The following TXLNB variants were observed in gnomAD, a reference collection of about 807,000 sequenced individuals.
The protein encoded by TXLNB is beta-taxilin.
Under a neutral mutation model 57.4 loss-of-function variants are expected in TXLNB, and 37 were observed. The observed-to-expected ratio is 0.64, with a 90% CI of 0.50 to 0.85. The LOEUF (loss-of-function observed/expected upper bound fraction) is 0.85. Ranked by LOEUF, TXLNB falls within the 40% of genes least tolerant of loss-of-function variation. The pLI is 0.00. For synonymous variants in TXLNB, 302 were observed against 309.6 expected, an observed-to-expected ratio of 0.98 and a Z score of 0.26; for missense variants, 848 against 825.6, an observed-to-expected ratio of 1.03 and a Z score of -0.33.
At chr6:139,233,559 GT>G in the TXLNB span, among the ~76,000 whole-genome samples, 2 of 151,870 alleles carry the variant, frequency 1.3e-5, no homozygotes, top group African/African-American at 4.8e-5. Context: ...AGATCTGATG[GT>G]TTTTTAAGTG....
chr6:139,318,065 C>T, the TXLNB span, among the ~76,000 whole-genome samples: 22 of 151,754 alleles, frequency 1.4e-4, no homozygotes, highest in Middle Eastern at 3.4e-3. Flanking sequence ...GTCAGGAGAT[C>T]GAGACCATCC....
At chr6:139,178,498 C>CTTTT in the TXLNB span, 4 of 137,074 alleles carry the variant, frequency 2.9e-5, no homozygotes, top group East Asian at 9.2e-4. Context: ...TTGGTTTATA[C>CTTTT]TTTTTTTTTT....
intron 7 of TXLNB, among the ~76,000 whole-genome samples, chr6:139,249,589 G>A (rs1315680784): frequency 6.6e-6 from 1 of 152,178 alleles, no homozygotes; most frequent in African/African-American, 2.4e-5. Context: ...AATGAAAGCT[G>A]GCAGATTGGA....
the TXLNB span, among the ~76,000 whole-genome samples, chr6:139,176,675 CTTATTG>C: frequency 3.9e-5 from 6 of 152,048 alleles, no homozygotes. This position sits in a 1 kb window ranked among gnomAD's most constrained non-coding sequence, Gnocchi z 4.5. Flanking sequence ...GGAGGGGTTT[CTTATTG>C]TTAGGGAACT....
At chr6:139,231,525 C>G in the TXLNB span, among the ~76,000 whole-genome samples, 72 of 152,302 alleles carry the variant, frequency 4.7e-4, no homozygotes, top group Middle Eastern at 3.4e-3. Context: ...AATCCTTCAT[C>G]TTTCCCTATT....
chr6:139,169,059 C>T, the TXLNB span, among the ~76,000 whole-genome samples: 12 of 152,166 alleles, frequency 7.9e-5, no homozygotes, highest in Admixed American at 7.9e-4. Flanking sequence ...ACAGTTTCCT[C>T]TATTTGTCGT....
intron 7 of TXLNB, among the ~76,000 whole-genome samples, chr6:139,251,298 T>G (rs1776199419): frequency 6.6e-6 from 1 of 152,244 alleles, no homozygotes; most frequent in Non-Finnish European, 1.5e-5. Context: ...TTTTCCATCT[T>G]GCAAAATGGA....
At chr6:139,198,886 C>T in the TXLNB span, among the ~76,000 whole-genome samples, 1 of 152,140 alleles carries the variant, frequency 6.6e-6, no homozygotes, top group African/African-American at 2.4e-5. Context: ...GTTTCCTGAA[C>T]CCTGTCCATA....
the TXLNB span, chr6:139,176,916 G>A: frequency 1.2e-6 from 1 of 859,458 alleles, no homozygotes; most frequent in Non-Finnish European, 2.0e-6. The surrounding 1 kb of genome is among the most constrained non-coding windows in gnomAD (Gnocchi z 4.5). Flanking sequence ...GGGGTGTTGT[G>A]GCTGATGGTG....
intron 4 of TXLNB, among the ~76,000 whole-genome samples, chr6:139,268,063 T>A (rs565847691): frequency 1.3e-3 from 193 of 150,812 alleles, no homozygotes; most frequent in Non-Finnish European, 2.1e-3. Context: ...AGGCAGAGAA[T>A]TGCTTGAACC....
intron 5 of TXLNB, among the ~76,000 whole-genome samples, chr6:139,261,093 C>T (rs1302430192): frequency 6.6e-6 from 1 of 152,160 alleles, no homozygotes; most frequent in Non-Finnish European, 1.5e-5. Flanking sequence ...TCAAGAGAAA[C>T]TTCCAACTCT....
the TXLNB span, among the ~76,000 whole-genome samples, chr6:139,307,194 T>G: frequency 1.3e-5 from 2 of 152,030 alleles, no homozygotes; most frequent in African/African-American, 2.4e-5. Context: ...TGATTGGGGT[T>G]TTTTGTTTGT....
At chr6:139,318,257 G>A in the TXLNB span, among the ~76,000 whole-genome samples, 458 of 128,368 alleles carry the variant, frequency 3.6e-3, 1 homozygote, top group Non-Finnish European at 5.5e-3. Flanking sequence ...GTGACAGAGT[G>A]AGACTCTGTC....
the TXLNB span, among the ~76,000 whole-genome samples, chr6:139,167,532 C>T: frequency 3.9e-5 from 6 of 152,184 alleles, no homozygotes; most frequent in Admixed American, 2.0e-4. Flanking sequence ...GTTGTCCTAG[C>T]GGATAATTTT....
chr6:139,184,034 G>T, the TXLNB span, among the ~76,000 whole-genome samples: 1 of 152,152 alleles, frequency 6.6e-6, no homozygotes. Context: ...TGCTTTCAGA[G>T]AGCTGCACAT....
Position 139,250,177 on chromosome 6 carries a change from C to CTTT in TXLNB, c.1078-2271_1078-2269dup, listed in dbSNP as rs529236500. ...CTACAGGCACATGCCCCATGTCTGG[C>CTTT]TTTTTTTTTTTTTTTTTTTTAACAC... On this transcript the variant is annotated intron_variant, in intron 7 of 9. Coordinates refer to ENST00000358430, the MANE Select transcript of TXLNB (RefSeq NM_153235.4). Among the ~76,000 whole-genome samples the CTTT allele has an allele frequency of 3.4e-3, 428 of 124,386 alleles. 3 individuals carry two copies. Among genetic ancestry groups the CTTT allele is most frequent in the African/African-American group, 7.2e-3 (237 of 32,894 alleles). 81.6% of individuals were successfully genotyped at this position (124,386 alleles called of 152,430 possible). A position where few individuals can be genotyped will look rare whatever the true frequency, so the allele number is the denominator to read the frequency against.
the TXLNB span, among the ~76,000 whole-genome samples, chr6:139,193,241 C>CTTTTTTTTTTTTTTT: frequency 1.3e-4 from 13 of 101,230 alleles, no homozygotes; most frequent in Non-Finnish European, 2.0e-4. Context: ...CTTTGACCCT[C>CTTTTTTTTTTTTTTT]TTTTTTTTTT....
chr6:139,276,765 C>A, intron 3 of TXLNB, 65 bp downstream of exon 3: 1 of 1,248,150 alleles, frequency 8.0e-7, no homozygotes, highest in Non-Finnish European at 1.2e-6. Flanking sequence ...GTTTGTTGTT[C>A]CTTGAAGCTA....
chr6:139,188,702 A>AG, the TXLNB span, among the ~76,000 whole-genome samples: 2 of 152,176 alleles, frequency 1.3e-5, no homozygotes, highest in Non-Finnish European at 2.9e-5. Flanking sequence ...GGGAAGCAAG[A>AG]GCTTTTTGAA....
Sources: gnomAD v4.1 joint callset for allele counts (sites outside exome capture counted in the v4.1 genomes callset) on GRCh38, gnomAD v4.1.1 for gene constraint, Gnocchi (gnomAD v3.1) non-coding constraint, MANE v1.5 for transcripts, NCBI Gene and HGNC (gene_info 2026-07-23, HGNC 2026-07-21) for gene names.